NEDD9: variants seen among roughly 807,000 people sequenced by gnomAD.
The protein encoded by NEDD9 is enhancer of filamentation 1.
In NEDD9, 26 loss-of-function variants were observed where a neutral mutation model predicts 76.6. The ratio of observed to expected loss-of-function variants is 0.34; its 90% CI spans 0.25 to 0.47. The LOEUF (loss-of-function observed/expected upper bound fraction) is 0.47, where lower values mean the gene tolerates loss of function less well. Ranked by LOEUF, NEDD9 falls within the 20% of genes least tolerant of loss-of-function variation. The pLI, the probability that NEDD9 is intolerant of heterozygous loss-of-function variation, is 1.00. For missense variants in NEDD9, 937 were observed against 1,058.5 expected (o/e 0.89, Z 1.59); for synonymous variants, 392 against 414.2 (o/e 0.95, Z 0.65).
exon 1 of NEDD9, chr6:11,382,179 C>T (rs1320806841): frequency 1.3e-5 from 2 of 152,280 alleles, no homozygotes; most frequent in African/African-American, 4.8e-5. Context: ...ATCTTGCCTC[C>T]CCGACGCTCT....
intron 3 of NEDD9, among the ~76,000 whole-genome samples, chr6:11,261,813 A>C (rs1581988339): frequency 1.5e-5 from 1 of 66,738 alleles, no homozygotes; most frequent in African/African-American, 8.7e-5. Flanking sequence ...CCAAACAACT[A>C]AAAGTCTGTG....
At chr6:11,376,800 G>A (rs1332217173) in intron 1 of NEDD9, among the ~76,000 whole-genome samples, 1 of 152,232 alleles carries the variant, frequency 6.6e-6, no homozygotes, top group Non-Finnish European at 1.5e-5. Context: ...TCCAAGACAA[G>A]GCAAAAACCC....
At chr6:11,232,434 C>A in intron 1 of NEDD9, 70 bp downstream of exon 1, 1 of 1,576,378 alleles carries the variant, frequency 6.3e-7, no homozygotes, top group Non-Finnish European at 8.7e-7. Context: ...AAGGAACACG[C>A]ATACACAAGC....
At chr6:11,347,427 C>G (rs938360409) in intron 1 of NEDD9, among the ~76,000 whole-genome samples, 3 of 152,124 alleles carry the variant, frequency 2.0e-5, no homozygotes, top group African/African-American at 7.2e-5. Flanking sequence ...TTCTATGAAG[C>G]CTGCATCATC....
intron 2 of NEDD9, among the ~76,000 whole-genome samples, chr6:11,317,006 T>C (rs1761586408): frequency 6.6e-6 from 1 of 152,210 alleles, no homozygotes. Context: ...GGAGAGAATC[T>C]GTAAGCAGTT....
intron 3 of NEDD9, among the ~76,000 whole-genome samples, chr6:11,278,047 G>A (rs1046217806): frequency 5.3e-5 from 8 of 152,146 alleles, no homozygotes; most frequent in African/African-American, 1.9e-4. Context: ...AGGGAGAATG[G>A]GAGTCGGGTG....
At chr6:11,260,419 TA>T (rs1268353596) in intron 3 of NEDD9, among the ~76,000 whole-genome samples, 1 of 152,214 alleles carries the variant, frequency 6.6e-6, no homozygotes, top group African/African-American at 2.4e-5. Context: ...TTGGGAAAAT[TA>T]ATCATTCTGA....
chr6:11,290,270 G>A (rs1455768359), intron 3 of NEDD9, among the ~76,000 whole-genome samples: 1 of 152,168 alleles, frequency 6.6e-6, no homozygotes, highest in Admixed American at 6.5e-5. Context: ...CCACAGCGAC[G>A]CTTGCAAGCC....
At chr6:11,232,701 G>A (rs1274339033), upstream of NEDD9, 1 of 1,444,756 alleles carries the variant, frequency 6.9e-7, no homozygotes, top group Non-Finnish European at 9.1e-7. Flanking sequence ...CAGGCTGATC[G>A]CGGACCTCAT....
rs551705605 is a variant in NEDD9, at chr6:11,325,054, G to C, written c.-153+9447C>G. 7.9e-5 allele frequency among the ~76,000 whole-genome samples: 12 copies of C among 152,222 alleles called. No homozygotes were observed. The South Asian group carries it at 2.1e-3, about 26-fold the overall frequency. ...CAGTAAGCCAAAGGTAGAGAGCATT[G>C]ATAGAACGTGCATGTATCAGGCCGG... On this transcript the variant is annotated intron_variant, in intron 2 of 3. Coordinates refer to the NEDD9 transcript ENST00000397378.
chr6:11,342,220 T>C (rs1762287662), intron 1 of NEDD9, among the ~76,000 whole-genome samples: 1 of 152,084 alleles, frequency 6.6e-6, no homozygotes, highest in Admixed American at 6.6e-5. Context: ...CAGTCTAACT[T>C]ACGTCTATTT....
intron 3 of NEDD9, among the ~76,000 whole-genome samples, chr6:11,254,766 C>T (rs556618844): frequency 9.3e-4 from 142 of 152,292 alleles, no homozygotes; most frequent in Non-Finnish European, 1.7e-3. Context: ...GCTGCTCTCT[C>T]CCCATGGAGA....
intron 3 of NEDD9, among the ~76,000 whole-genome samples, chr6:11,300,262 G>T (rs1363189476): frequency 6.6e-6 from 1 of 152,164 alleles, no homozygotes; most frequent in African/African-American, 2.4e-5. Flanking sequence ...AAGGATATCA[G>T]TGATTGAAGA....
intron 2 of NEDD9, among the ~76,000 whole-genome samples, chr6:11,201,483 C>T (rs1165742411): frequency 6.6e-6 from 1 of 152,160 alleles, no homozygotes; most frequent in Non-Finnish European, 1.5e-5. Flanking sequence ...CTTCCAGCAA[C>T]CCTAAGTAAG....
chr6:11,274,201 A>G (rs1171274486), intron 3 of NEDD9, among the ~76,000 whole-genome samples: 1 of 152,192 alleles, frequency 6.6e-6, no homozygotes, highest in Non-Finnish European at 1.5e-5. Flanking sequence ...TACGGAAGTA[A>G]TAATAGAGTA....
At chr6:11,200,552 T>C (rs1230994652) in intron 2 of NEDD9, 4 of 1,091,402 alleles carry the variant, frequency 3.7e-6, no homozygotes, top group Admixed American at 4.7e-5. Flanking sequence ...GTCTTAGTAA[T>C]CACAGATCTC....
intron 2 of NEDD9, chr6:11,207,468 C>T (rs1270978663): frequency 2.0e-5 from 3 of 152,178 alleles, no homozygotes; most frequent in Non-Finnish European, 4.4e-5. Flanking sequence ...CAGGAATGGG[C>T]CTGGAAGACC....
chr6:11,227,055 T>G (rs1258498225), intron 1 of NEDD9, among the ~76,000 whole-genome samples: 1 of 152,228 alleles, frequency 6.6e-6, no homozygotes, highest in Non-Finnish European at 1.5e-5. Flanking sequence ...TGTGTATACA[T>G]TTTGTCTTCT....
chr6:11,243,122 C>A (rs1391798096), intron 3 of NEDD9, among the ~76,000 whole-genome samples: 1 of 152,140 alleles, frequency 6.6e-6, no homozygotes, highest in African/African-American at 2.4e-5. Context: ...ACCTCTCCTT[C>A]CCCAACACTG....
Sources: allele counts gnomAD v4.1 joint callset (sites outside exome capture counted in the v4.1 genomes callset), GRCh38; gene constraint gnomAD v4.1.1; transcripts MANE v1.5; gene names NCBI Gene and HGNC (gene_info 2026-07-23, HGNC 2026-07-21).